Variants in PLEKHG5 observed in about 807,000 individuals in gnomAD.
PLEKHG5 encodes the protein pleckstrin homology and RhoGEF domain containing G5.
PLEKHG5 carries 52 observed loss-of-function variants against 103.8 expected under a neutral mutation model. The observed-to-expected ratio is 0.50, with a 90% confidence interval of 0.40 to 0.63. The LOEUF is 0.63. Ranked by LOEUF, PLEKHG5 falls within the 30% of genes least tolerant of loss-of-function variation. The probability of loss-of-function intolerance (pLI) is 0.00; values close to 1 mark genes in which losing one functional copy is unlikely to be tolerated. For synonymous variants in PLEKHG5, 592 were observed against 575.5 expected (o/e 1.03, Z -0.41); for missense variants, 1,205 against 1,347.6 (o/e 0.89, Z 1.66).
rs539497478 is a variant in PLEKHG5, at chr1:6,487,682, C to T, written c.-88+3955G>A. On this transcript the variant is annotated intron_variant, in intron 1 of 20. Coordinates refer to ENST00000377728, the MANE Select transcript of PLEKHG5 (RefSeq NM_020631.6). This position sits in a 1 kb window ranked among gnomAD's most constrained non-coding sequence, Gnocchi z 4.1. ...CCTTTTCCCTCATCTTAAAATAAAC[C>T]ACCCTTACCCTCCCACTCTCAATTC... is the stretch of plus-strand genomic sequence containing the variant. Among the ~76,000 whole-genome samples the T allele has an allele frequency of 2.0e-4, 30 of 152,196 alleles. No individual in the cohort carries two copies. The highest frequency in any genetic ancestry group is 3.5e-4 in the Non-Finnish European group (24 of 68,042).
At chr1:6,498,350 C>T (rs1645256971), upstream of PLEKHG5, among the ~76,000 whole-genome samples, 1 of 152,204 alleles carries the variant, frequency 6.6e-6, no homozygotes, top group Admixed American at 6.5e-5. Context: ...GCATGGACTC[C>T]TTACATGGGC....
chr1:6,483,911 C>T (rs1644961369), intron 1 of PLEKHG5, among the ~76,000 whole-genome samples: 1 of 152,240 alleles, frequency 6.6e-6, no homozygotes, highest in Non-Finnish European at 1.5e-5. Flanking sequence ...GTGAACCCAG[C>T]CAGCATGGCA....
At chr1:6,485,131 A>G (rs1644996076) in intron 1 of PLEKHG5, among the ~76,000 whole-genome samples, 1 of 152,132 alleles carries the variant, frequency 6.6e-6, no homozygotes, top group Non-Finnish European at 1.5e-5. Flanking sequence ...CACACCCCGG[A>G]GTCCGAGGTC....
intron 8 of PLEKHG5, 28 bp downstream of exon 8, chr1:6,473,223 C>T (rs1451016558): frequency 1.9e-6 from 3 of 1,612,790 alleles, no homozygotes; most frequent in Non-Finnish European, 2.5e-6. Flanking sequence ...AGCCAGCTGC[C>T]TGACCCTGGG....
At chr1:6,476,751 T>G (rs1342948695) in intron 2 of PLEKHG5, among the ~76,000 whole-genome samples, 1 of 151,932 alleles carries the variant, frequency 6.6e-6, no homozygotes, top group African/African-American at 2.4e-5. Flanking sequence ...GGAGAGAGTC[T>G]TTTGTTTGTT....
intron 3 of PLEKHG5, 24 bp downstream of exon 3, chr1:6,475,907 T>C (rs756112924): frequency 6.3e-7 from 1 of 1,582,396 alleles, no homozygotes; most frequent in South Asian, 1.1e-5. Context: ...CAGGTATCTC[T>C]CTGCCCACTC....
intron 1 of PLEKHG5, among the ~76,000 whole-genome samples, chr1:6,488,893 C>T (rs928799628): frequency 1.3e-5 from 2 of 152,110 alleles, no homozygotes; most frequent in African/African-American, 4.8e-5. Flanking sequence ...CAAGGCAGGA[C>T]CCCCGCACCC....
At chr1:6,506,723 C>T (rs1296735536) in intron 1 of PLEKHG5, among the ~76,000 whole-genome samples, 1 of 152,198 alleles carries the variant, frequency 6.6e-6, no homozygotes, top group Non-Finnish European at 1.5e-5. Context: ...AGGCATGTCC[C>T]TCACCTCCAC....
intron 1 of PLEKHG5, among the ~76,000 whole-genome samples, chr1:6,508,407 C>T (rs1193588595): frequency 1.3e-5 from 2 of 152,218 alleles, no homozygotes; most frequent in Non-Finnish European, 2.9e-5. Context: ...CTGTCTCCCA[C>T]GCTCCTTCCA....
upstream of PLEKHG5, among the ~76,000 whole-genome samples, chr1:6,494,529 G>T (rs2148625648): frequency 6.6e-6 from 1 of 152,236 alleles, no homozygotes; most frequent in Non-Finnish European, 1.5e-5. Flanking sequence ...CTCTCACAGT[G>T]CTGGGATCGC....
intron 12 of PLEKHG5, 59 bp downstream of exon 12, chr1:6,471,429 G>A: frequency 6.4e-7 from 1 of 1,555,782 alleles, no homozygotes; most frequent in Admixed American, 1.8e-5. Flanking sequence ...GGCCGTGGAG[G>A]CTTTTCGGCG....
At chr1:6,470,393 A>G (rs754000517) in intron 15 of PLEKHG5, 38 bp from the exon 16 acceptor site, 3 of 1,613,336 alleles carry the variant, frequency 1.9e-6, no homozygotes, top group Non-Finnish European at 2.5e-6. Context: ...GAGGCCAGAG[A>G]CTGACTCCCA....
In PLEKHG5 at chr1:6,490,526, G is replaced by C. The variant is rs553891341; in HGVS notation, c.-88+1111C>G. 1.0e-6 allele frequency: 1 copy of C among 985,240 alleles called. No individual in the cohort carries two copies. The highest frequency in any genetic ancestry group is 4.7e-5 in the South Asian group (1 of 21,284). 61.0% of individuals were successfully genotyped at this position (985,240 alleles called of 1,614,324 possible). A position where few individuals can be genotyped will look rare whatever the true frequency, so the allele number is the denominator to read the frequency against. ...AGACTGCCAAAGCCTCATGGGGCGCGCGGGGAGAGGGGGACGGGAGCCGCG... is the reference window on the plus strand; with the variant it reads ...AGACTGCCAAAGCCTCATGGGGCGCCCGGGGAGAGGGGGACGGGAGCCGCG... On this transcript the variant is annotated intron_variant, in intron 1 of 20. Transcript: ENST00000377728. The surrounding 1 kb of genome is among the most constrained non-coding windows in gnomAD (Gnocchi z 8.0).
At chr1:6,511,072 G>A (rs891875916) in intron 1 of PLEKHG5, among the ~76,000 whole-genome samples, 3 of 151,874 alleles carry the variant, frequency 2.0e-5, no homozygotes, top group African/African-American at 4.8e-5. Flanking sequence ...CTCAGCGACC[G>A]AGTGAAACTG....
intron 1 of PLEKHG5, among the ~76,000 whole-genome samples, chr1:6,513,146 T>C (rs1267730111): frequency 6.6e-6 from 1 of 152,230 alleles, no homozygotes; most frequent in Non-Finnish European, 1.5e-5. Context: ...TGGGAGCCCT[T>C]AGAATCTAGA....
Position 6,467,550 on chromosome 1 carries a change from G to T in PLEKHG5, c.*13C>A. The T allele has an allele frequency of 6.2e-7, 1 of 1,613,318 alleles. No homozygotes were observed. The highest frequency in any genetic ancestry group is 8.5e-7 in the Non-Finnish European group (1 of 1,179,662). On this transcript the variant is annotated 3_prime_UTR_variant, in exon 21 of 21. Coordinates refer to ENST00000377728, the MANE Select transcript of PLEKHG5 (RefSeq NM_020631.6). The stretch of plus-strand genomic sequence containing the variant: ...TCTCTTGGTCAATGGCACTCTTGGG[G>T]GCCTCCCTCTGCTCAGACCTCCCTA...
chr1:6,473,038 T>C lies in PLEKHG5; in HGVS notation c.932A>G (p.Asn311Ser). Reference protein sequence around the residue: ...EEYDEDEDEDNACLRLEDSWR... With the variant: ...EEYDEDEDEDSACLRLEDSWR... ...GCTGTCCTCCAGCCTCAGGCAGGCATTGTCCTCATCCTCGTCTTCATCGTA... is the reference window on the plus strand; with the variant it reads ...GCTGTCCTCCAGCCTCAGGCAGGCACTGTCCTCATCCTCGTCTTCATCGTA... Residue 311 changes from asparagine (N) to serine (S), a missense_variant, in exon 9 of 21, where the codon AAT becomes AGT. Asn to Ser is a conservative substitution (Grantham distance 46). Coordinates refer to ENST00000377728, the MANE Select transcript of PLEKHG5 (RefSeq NM_020631.6). 2 of 1,614,038 alleles carry C rather than the reference T, an allele frequency of 1.2e-6. No individual in the cohort carries two copies. Among genetic ancestry groups the C allele is most frequent in the South Asian group, 1.1e-5 (1 of 91,084 alleles).
chr1:6,512,944 G>A (rs1410874427), intron 1 of PLEKHG5, among the ~76,000 whole-genome samples: 1 of 152,250 alleles, frequency 6.6e-6, no homozygotes, highest in Non-Finnish European at 1.5e-5. Flanking sequence ...CAAACTCAGA[G>A]ACAGTGGCCA....
chr1:6,492,457 C>T (rs554608274), upstream of PLEKHG5, among the ~76,000 whole-genome samples: 4 of 152,220 alleles, frequency 2.6e-5, no homozygotes, highest in South Asian at 2.1e-4. Flanking sequence ...CTTGATCTCC[C>T]GGCCTTTCTC....
Sources: allele counts gnomAD v4.1 joint callset (sites outside exome capture counted in the v4.1 genomes callset), GRCh38; gene constraint gnomAD v4.1.1; non-coding constraint Gnocchi (gnomAD v3.1); transcripts MANE v1.5; gene names NCBI Gene and HGNC (gene_info 2026-07-23, HGNC 2026-07-21).